OVCH2: variants seen among roughly 807,000 people sequenced by gnomAD.
OVCH2 encodes ovochymase 2.
A neutral mutation model predicts 73.7 loss-of-function variants in OVCH2; 88 were observed. The observed-to-expected ratio is 1.19, with a 90% CI of 1.01 to 1.43. The LOEUF is 1.43. Among genes scored for constraint, OVCH2 ranks in the 40% most tolerant of loss-of-function variants. The probability of loss-of-function intolerance (pLI) is 0.00; values close to 1 mark genes in which losing one functional copy is unlikely to be tolerated. For missense variants in OVCH2, 706 were observed against 674.5 expected (o/e 1.05, Z -0.52); for synonymous variants, 265 against 234.5 (o/e 1.13, Z -1.19).
At chr11:7,706,126 A>T in intron 1 of OVCH2, 181 bp downstream of exon 1, 1 of 575,548 alleles carries the variant, frequency 1.7e-6, no homozygotes. Context: ...TAAATGTTTC[A>T]CCCTGTGTCC....
At chr11:7,687,211 C>T (rs1189680572), downstream of OVCH2, among the ~76,000 whole-genome samples, 3 of 151,866 alleles carry the variant, frequency 2.0e-5, no homozygotes, top group African/African-American at 7.3e-5. Context: ...AAGGTGATTC[C>T]ACCATGTAGC....
intron 9 of OVCH2, 32 bp downstream of exon 9, chr11:7,696,677 T>A (rs1856341065): frequency 6.2e-7 from 1 of 1,613,338 alleles, no homozygotes; most frequent in Non-Finnish European, 8.5e-7. Flanking sequence ...GAGGTGGGAG[T>A]AAGGAGGAGG....
At chr11:7,696,642 C>T (rs1306992945) in intron 9 of OVCH2, 53 bp from the exon 10 acceptor site, 1 of 1,613,808 alleles carries the variant, frequency 6.2e-7, no homozygotes, top group Non-Finnish European at 8.5e-7. Context: ...ACGACTATCA[C>T]AGTCCAATTG....
In OVCH2 at chr11:7,689,852, A is replaced by G. The variant is rs192994929; in HGVS notation, c.*31+72T>C. On this transcript the variant is annotated intron_variant, in intron 15 of 15. Coordinates refer to ENST00000533663, the MANE Select transcript of OVCH2 (RefSeq NM_198185.7). ...TTTGGAGGAAGATGGAATTAAATCC[A>G]TATCACCTGCTTCTCCGGTTGAACC... is the stretch of plus-strand genomic sequence containing the variant. 82 of 929,544 alleles carry G rather than the reference A, an allele frequency of 8.8e-5. No homozygotes were observed. In the Admixed American group the frequency reaches 1.5e-3, roughly 17 times the overall value. The allele number at this position is 929,544 out of a possible 1,614,324, so 57.6% of individuals were successfully genotyped here.
At chr11:7,697,798 A>G (rs1856365005) in intron 8 of OVCH2, among the ~76,000 whole-genome samples, 2 of 152,244 alleles carry the variant, frequency 1.3e-5, no homozygotes, top group African/African-American at 4.8e-5. Flanking sequence ...GAAGAATTTC[A>G]TACGTCCATG....
At chr11:7,690,110 T>C (rs1856193697) in intron 14 of OVCH2, 97 bp from the exon 15 acceptor site, 1 of 878,542 alleles carries the variant, frequency 1.1e-6, no homozygotes, top group Non-Finnish European at 1.8e-6. Context: ...GTTAGAATTC[T>C]GGGGCACCTC....
At chr11:7,688,751 T>G (rs183396642), downstream of OVCH2, among the ~76,000 whole-genome samples, 1 of 152,358 alleles carries the variant, frequency 6.6e-6, no homozygotes, top group Admixed American at 6.5e-5. Flanking sequence ...CACTGTATTT[T>G]CCACATGGAA....
At chr11:7,685,979 C>T (rs969116297), downstream of OVCH2, among the ~76,000 whole-genome samples, 2 of 152,142 alleles carry the variant, frequency 1.3e-5, no homozygotes, top group African/African-American at 4.8e-5. Flanking sequence ...AAAAAAAATT[C>T]TCTGGCTTGA....
chr11:7,686,855 A>G (rs1302305781), downstream of OVCH2, among the ~76,000 whole-genome samples: 1 of 152,236 alleles, frequency 6.6e-6, no homozygotes, highest in Non-Finnish European at 1.5e-5. Context: ...AGCTTCACCC[A>G]GAGGCTGTTT....
chr11:7,695,471 G>T, intron 11 of OVCH2, 99 bp downstream of exon 11: 1 of 1,219,584 alleles, frequency 8.2e-7, no homozygotes, highest in Non-Finnish European at 1.2e-6. Flanking sequence ...AGTCAGTTGG[G>T]CCTTGGGAGA....
chr11:7,681,305 A>C, the OVCH2 span, among the ~76,000 whole-genome samples: 3 of 152,208 alleles, frequency 2.0e-5, no homozygotes, highest in Non-Finnish European at 4.4e-5. Context: ...ATTCTCTAAG[A>C]AGCACTATAG....
At chr11:7,702,571 T>C (rs1000455862) in intron 3 of OVCH2, among the ~76,000 whole-genome samples, 5 of 151,982 alleles carry the variant, frequency 3.3e-5, no homozygotes, top group Non-Finnish European at 7.4e-5. Flanking sequence ...AATTTAATAC[T>C]TTGCAATGTT....
intron 15 of OVCH2, 111 bp from the exon 16 acceptor site, chr11:7,689,713 A>T: frequency 1.5e-6 from 1 of 649,458 alleles, no homozygotes. Flanking sequence ...GACACTAGTC[A>T]TACTGGATTA....
At chr11:7,680,376 A>C in the OVCH2 span, among the ~76,000 whole-genome samples, 1 of 152,314 alleles carries the variant, frequency 6.6e-6, no homozygotes, top group East Asian at 1.9e-4. Flanking sequence ...TCATTGAGGG[A>C]AAGAACAGGA....
Position 7,692,015 on chromosome 11 carries a change from C to A in OVCH2, c.1414-20G>T. ...TGAAAGCTGAGAAGACACGAAGTTA[C>A]ATCCAGAGTAAACAATCTGAATGAA... On this transcript the variant is annotated intron_variant, in intron 12 of 15. Transcript: ENST00000533663. 1 of 1,510,058 alleles carries A rather than the reference C, an allele frequency of 6.6e-7. No individual in the cohort carries two copies. The highest frequency in any genetic ancestry group is 9.0e-7 in the Non-Finnish European group (1 of 1,109,672). 93.5% of individuals were successfully genotyped at this position (1,510,058 alleles called of 1,614,324 possible). A position where few individuals can be genotyped will look rare whatever the true frequency, so the allele number is the denominator to read the frequency against.
At chr11:7,693,795 C>T (rs766647408) in intron 12 of OVCH2, among the ~76,000 whole-genome samples, 23 of 152,268 alleles carry the variant, frequency 1.5e-4, no homozygotes, top group African/African-American at 4.1e-4. Context: ...TCTGACTTCA[C>T]GTGATATTTC....
intron 12 of OVCH2, 33 bp downstream of exon 12, chr11:7,695,025 C>T (rs770300536): frequency 1.3e-6 from 2 of 1,537,998 alleles, no homozygotes; most frequent in Non-Finnish European, 1.8e-6. Context: ...TGTGAATTTA[C>T]CATAGCTACG....
At chr11:7,706,122 T>A (rs1183637987) in intron 1 of OVCH2, 185 bp downstream of exon 1, 6 of 565,406 alleles carry the variant, frequency 1.1e-5, no homozygotes, top group Non-Finnish European at 1.8e-5. Context: ...TCTATAAATG[T>A]TTCACCCTGT....
chr11:7,692,481 C>G (rs1044709187), intron 12 of OVCH2, among the ~76,000 whole-genome samples: 1 of 152,220 alleles, frequency 6.6e-6, no homozygotes, highest in African/African-American at 2.4e-5. Context: ...TAGCTGGCTC[C>G]TCTTCTCACC....
Sources: allele counts gnomAD v4.1 joint callset (sites outside exome capture counted in the v4.1 genomes callset), GRCh38; gene constraint gnomAD v4.1.1; transcripts MANE v1.5; gene names NCBI Gene and HGNC (gene_info 2026-07-23, HGNC 2026-07-21).